Variants in SLC6A6 observed in about 807,000 individuals in gnomAD.
The protein encoded by SLC6A6 is solute carrier family 6 member 6.
In SLC6A6, 16 loss-of-function variants were observed where a neutral mutation model predicts 68.8. That is an observed-to-expected ratio of 0.23 (90% CI 0.16 to 0.35). The LOEUF is 0.35. Among genes scored for constraint, SLC6A6 ranks in the 10% least tolerant of loss-of-function variants. The pLI is 1.00. For synonymous variants in SLC6A6, 312 were observed against 315.4 expected, an observed-to-expected ratio of 0.99 and a Z score of 0.12; for missense variants, 474 against 802.8, an observed-to-expected ratio of 0.59 and a Z score of 4.95.
chr3:14,469,252 C>T (rs1271314105), intron 9 of SLC6A6, among the ~76,000 whole-genome samples: 1 of 151,928 alleles, frequency 6.6e-6, no homozygotes, highest in Non-Finnish European at 1.5e-5. Flanking sequence ...TTTCATACAA[C>T]TTCCCTGGGG....
At chr3:14,413,721 G>A (rs577201330) in intron 1 of SLC6A6, among the ~76,000 whole-genome samples, 2 of 152,184 alleles carry the variant, frequency 1.3e-5, no homozygotes, top group South Asian at 2.1e-4. Context: ...GGGGCTGGGG[G>A]AAGGGTCAGG....
At chr3:14,474,361 C>T (rs928619188) in intron 10 of SLC6A6, among the ~76,000 whole-genome samples, 2 of 152,128 alleles carry the variant, frequency 1.3e-5, no homozygotes, top group Admixed American at 6.5e-5. Context: ...TCTGTGTGTG[C>T]GTGTGTTTGG....
At chr3:14,428,382 C>T (rs1337796927) in intron 2 of SLC6A6, among the ~76,000 whole-genome samples, 1 of 152,192 alleles carries the variant, frequency 6.6e-6, no homozygotes, top group African/African-American at 2.4e-5. Flanking sequence ...GCCCAGGCTG[C>T]CCATGAGTTG....
chr3:14,404,547 A>T (rs1199619631), intron 1 of SLC6A6, among the ~76,000 whole-genome samples: 2 of 152,306 alleles, frequency 1.3e-5, no homozygotes, highest in African/African-American at 4.8e-5. Flanking sequence ...TTATAGAGTA[A>T]ACCAGGGACC....
intron 6 of SLC6A6, among the ~76,000 whole-genome samples, chr3:14,460,268 C>T (rs904637316): frequency 3.1e-4 from 47 of 152,054 alleles, no homozygotes; most frequent in Non-Finnish European, 5.6e-4. Flanking sequence ...GAGCTGATGG[C>T]CTGGCAGGAA....
In SLC6A6 at chr3:14,458,012, C is replaced by T. The variant is rs774009626; in HGVS notation, c.662C>T (p.Ala221Val). The change falls in exon 6 of 15, where the codon GCT becomes GTT. Residue 221 changes from alanine (A) to valine (V), a missense_variant. Ala to Val is a moderately conservative substitution (Grantham distance 64). Around this residue, in one of 2 missense-constraint regions of SLC6A6, gnomAD observed 280 missense variants for 533.1 expected, o/e 0.53. Coordinates refer to ENST00000622186, the MANE Select transcript of SLC6A6 (RefSeq NM_003043.6). ...DHPGSLKWDL[A>V]LCLLLVWLVC... is the part of the protein sequence containing the mutation. ...CCAGGCTCTCTGAAATGGGACCTCG[C>T]TCTCTGCCTTCTTTTAGTCTGGCTA... 2 of 1,613,738 alleles carry T rather than the reference C, an allele frequency of 1.2e-6. No individual in the cohort carries two copies. The highest frequency in any genetic ancestry group is 1.7e-6 in the Non-Finnish European group (2 of 1,179,578).
intron 5 of SLC6A6, among the ~76,000 whole-genome samples, chr3:14,452,745 T>A (rs1700281366): frequency 6.6e-6 from 1 of 152,196 alleles, no homozygotes; most frequent in Admixed American, 6.5e-5. Context: ...CCAGAGACAG[T>A]CATTTCATGC....
chr3:14,408,205 T>G (rs1699153085), intron 1 of SLC6A6, among the ~76,000 whole-genome samples: 1 of 152,228 alleles, frequency 6.6e-6, no homozygotes, highest in African/African-American at 2.4e-5. Context: ...TCACTTTTAA[T>G]TATAAAAGTA....
At chr3:14,478,369 G>GT (rs1188959036) in intron 11 of SLC6A6, 97 bp from the exon 12 acceptor site, 18 of 738,864 alleles carry the variant, frequency 2.4e-5, no homozygotes, top group East Asian at 1.5e-4. Flanking sequence ...TTTCTCTTGG[G>GT]TTTTTTTAAT....
chr3:14,410,874 A>C (rs1699238659), intron 1 of SLC6A6, among the ~76,000 whole-genome samples: 1 of 152,216 alleles, frequency 6.6e-6, no homozygotes, highest in African/African-American at 2.4e-5. Flanking sequence ...CGATTTCAGC[A>C]GAGTCATGCT....
At chr3:14,417,610 T>TA (rs1298890740) in intron 2 of SLC6A6, among the ~76,000 whole-genome samples, 1 of 152,006 alleles carries the variant, frequency 6.6e-6, no homozygotes, top group East Asian at 1.9e-4. Context: ...CGGGCGCCTG[T>TA]AGTTCCAGCT....
In SLC6A6 at chr3:14,486,437, C is replaced by T. The variant is rs903142149; in HGVS notation, c.*1430C>T. On this transcript the variant is annotated 3_prime_UTR_variant, in exon 15 of 15. Coordinates refer to ENST00000622186, the MANE Select transcript of SLC6A6 (RefSeq NM_003043.6). ...TACAGACATTTACCACCTGCGGACC[C>T]AAAAGAGAAGGCCTAGGAGAGTTTT... 1.3e-5 allele frequency: 2 copies of T among 152,606 alleles called. No individual in the cohort carries two copies. Among genetic ancestry groups the T allele is most frequent in the African/African-American group, 4.8e-5 (2 of 41,418 alleles). The allele number at this position is 152,606 out of a possible 1,614,324, so 9.5% of individuals were successfully genotyped here. A position where few individuals can be genotyped will look rare whatever the true frequency, so the allele number is the denominator to read the frequency against.
At position 14,484,943 on chromosome 3, in the gene SLC6A6, C is replaced by T. The variant is rs376180429; in HGVS notation, c.1799C>T (p.Ser600Phe). The T allele has an allele frequency of 6.2e-7, 1 of 1,612,920 alleles. No individual in the cohort carries two copies. Among genetic ancestry groups the T allele is most frequent in the Non-Finnish European group, 8.5e-7 (1 of 1,179,974 alleles). Reference sequence around the variant, plus strand: ...CGCGAGGGAGCCACACCTTACAACTCTCGCACCGTCATGAACGGCGCTCTC... The same window carrying T: ...CGCGAGGGAGCCACACCTTACAACTTTCGCACCGTCATGAACGGCGCTCTC... ...VEREGATPYN[S>F]RTVMNGALVK... is the part of the protein sequence containing the mutation. Residue 600 changes from serine to phenylalanine, a missense_variant, in exon 15 of 15, where the codon TCT (serine) becomes TTT (phenylalanine). Physicochemically the swap from Ser to Phe is radical, Grantham distance 155 (BLOSUM62 -2). This residue lies in a region of SLC6A6 where 194 missense variants were observed against 269.8 expected (regional missense o/e 0.72). Transcript: ENST00000622186.
chr3:14,445,337 T>C (rs1355641181), intron 3 of SLC6A6, among the ~76,000 whole-genome samples: 4 of 149,918 alleles, frequency 2.7e-5, no homozygotes, highest in East Asian at 2.0e-4. Flanking sequence ...AGGAGAATGG[T>C]GTGAACCCAG....
chr3:14,484,753 T>A, intron 14 of SLC6A6, 114 bp from the exon 15 acceptor site: 1 of 1,073,248 alleles, frequency 9.3e-7, no homozygotes, highest in Non-Finnish European at 1.4e-6. Context: ...AGGGTGTGAG[T>A]TTACCAAAAA....
chr3:14,433,290 G>GCAAAGGGTGACCCTGTTCCTTT lies in SLC6A6; in HGVS notation c.-11-10328_-11-10307dup, dbSNP rs577616456. The stretch of plus-strand genomic sequence containing the variant: ...GATGACTTCCCAAGAGCACATTACA[G>GCAAAGGGTGACCCTGTTCCTTT]CAAAGGGTGACCCTGTTCCTTTCAA... On this transcript the variant is annotated intron_variant, in intron 2 of 14. Coordinates refer to ENST00000622186, the MANE Select transcript of SLC6A6 (RefSeq NM_003043.6). Among the ~76,000 whole-genome samples the GCAAAGGGTGACCCTGTTCCTTT allele has an allele frequency of 2.5e-4, 38 of 152,300 alleles. No individual in the cohort carries two copies. The East Asian group carries it at 7.3e-3, about 29-fold the overall frequency.
rs377659535 is a variant in SLC6A6 at position 14,472,155 on chromosome 3, T to C, written c.1097-50T>C. 1 of 1,130,642 alleles carries C rather than the reference T, an allele frequency of 8.8e-7. No homozygotes were observed. The highest frequency in any genetic ancestry group is 1.3e-6 in the Non-Finnish European group (1 of 746,872). 70.0% of individuals were successfully genotyped at this position (1,130,642 alleles called of 1,614,324 possible). ...GAGCCCAGGGTTCCCAGTGGCTTGG[T>C]GGCTGATGTCTCCTCCCCTGTGCCC... On this transcript the variant is annotated intron_variant, in intron 9 of 14. Transcript: ENST00000622186. The surrounding 1 kb of genome is among the most constrained non-coding windows in gnomAD (Gnocchi z 4.5).
chr3:14,413,208 T>C (rs1230335433), intron 1 of SLC6A6, among the ~76,000 whole-genome samples: 1 of 152,232 alleles, frequency 6.6e-6, no homozygotes, highest in Non-Finnish European at 1.5e-5. Flanking sequence ...TGGAGCCTGC[T>C]GGAGCCCAAG....
chr3:14,447,735 A>G lies in SLC6A6; in HGVS notation c.518A>G (p.Glu173Gly), dbSNP rs1700160186. ...NHSWNTPHCM[E>G]DTMRKNKSVW... The stretch of plus-strand genomic sequence containing the variant: ...AGCTGGAACACACCTCACTGCATGG[A>G]GGACACCATGCGCAAGAACAAGAGT... The change falls in exon 5 of 15, where the codon GAG becomes GGG. Residue 173 changes from glutamate to glycine, a missense_variant. By Grantham distance (98) the Glu-to-Gly change is moderately conservative. Coordinates refer to ENST00000622186, the MANE Select transcript of SLC6A6 (RefSeq NM_003043.6). 2 of 1,613,764 alleles carry G rather than the reference A, an allele frequency of 1.2e-6. No individual in the cohort carries two copies. The highest frequency in any genetic ancestry group is 1.7e-6 in the Non-Finnish European group (2 of 1,179,724).
Sources: allele counts gnomAD v4.1 joint callset (sites outside exome capture counted in the v4.1 genomes callset), GRCh38; gene constraint gnomAD v4.1.1; regional missense constraint gnomAD v4.1.1; non-coding constraint Gnocchi (gnomAD v3.1); transcripts MANE v1.5; gene names NCBI Gene and HGNC (gene_info 2026-07-23, HGNC 2026-07-21).